CNTROB: variants seen among roughly 807,000 people sequenced by gnomAD.
CNTROB encodes the protein centrobin, centriole duplication and spindle assembly protein, also known as centrobin.
Under a neutral mutation model 115.7 loss-of-function variants are expected in CNTROB, and 82 were observed. The observed-to-expected ratio is 0.71, with a 90% CI of 0.59 to 0.85. The LOEUF (loss-of-function observed/expected upper bound fraction) is 0.85, where lower values mean the gene tolerates loss of function less well. Among genes scored for constraint, CNTROB ranks in the 40% least tolerant of loss-of-function variants. The pLI is 0.00. For synonymous variants in CNTROB, 439 were observed against 456.4 expected (o/e 0.96, Z 0.49); for missense variants, 1,014 against 1,144.4 (o/e 0.89, Z 1.64).
In CNTROB at chr17:7,945,721, T is replaced by C. The variant is rs1315308431; in HGVS notation, c.1735-7T>C. 6.2e-7 allele frequency: 1 copy of C among 1,612,766 alleles called. No individual in the cohort carries two copies. Among genetic ancestry groups the C allele is most frequent in the African/African-American group, 1.3e-5 (1 of 74,868 alleles). ...TTGACCCTTCTTTCTGCCTCTCTCC[T>C]GGTCAGGCTCCTCCTGCTGGACCCT... is the stretch of plus-strand genomic sequence containing the variant. On this transcript the variant is annotated splice_polypyrimidine_tract_variant and splice_region_variant and intron_variant, in intron 12 of 18. Coordinates refer to ENST00000563694, the MANE Select transcript of CNTROB (RefSeq NM_053051.5).
In CNTROB at chr17:7,939,123, C is replaced by T. The variant is rs1388449288; in HGVS notation, c.928-390C>T. On this transcript the variant is annotated intron_variant, in intron 7 of 18. Coordinates refer to ENST00000563694, the MANE Select transcript of CNTROB (RefSeq NM_053051.5). The surrounding 1 kb of genome is among the most constrained non-coding windows in gnomAD (Gnocchi z 4.4). ...TGGTTTTATTTGAGATGGAGTCTTG[C>T]TCGATGTCGCCTAGGCTGGAGTGCA... is the stretch of plus-strand genomic sequence containing the variant. 1.3e-5 allele frequency among the ~76,000 whole-genome samples: 2 copies of T among 151,784 alleles called. No homozygotes were observed. The highest frequency in any genetic ancestry group is 2.4e-5 in the African/African-American group (1 of 41,276).
chr17:7,945,910 C>T lies in CNTROB; in HGVS notation c.1917C>T (p.Leu639=). 1 of 1,614,154 alleles carries T rather than the reference C, an allele frequency of 6.2e-7. No homozygotes were observed. Among genetic ancestry groups the T allele is most frequent in the Non-Finnish European group, 8.5e-7 (1 of 1,179,972 alleles). Residue 639 remains leucine (L), a synonymous_variant, in exon 13 of 19, where the codon CTC becomes CTT. Transcript: ENST00000563694. ...GCAGTTCCTCCTCAGATCTTAGCCT[C>T]CTGTTGGGCCCCTCTTTTCAGAGCC... is the stretch of plus-strand genomic sequence containing the variant. ...VLCSSSSDLS[L]LLGPSFQSQH...
At chr17:7,933,541 GA>G (rs1972776831) in intron 1 of CNTROB, among the ~76,000 whole-genome samples, 192 bp downstream of exon 1, 1 of 152,210 alleles carries the variant, frequency 6.6e-6, no homozygotes, top group African/African-American at 2.4e-5. Context: ...TGAAAATTAT[GA>G]AACTTCCCAG....
chr17:7,935,125 T>G lies in CNTROB; in HGVS notation c.574T>G (p.Ser192Ala). 1 of 1,613,722 alleles carries G rather than the reference T, an allele frequency of 6.2e-7. No individual in the cohort carries two copies. The highest frequency in any genetic ancestry group is 8.5e-7 in the Non-Finnish European group (1 of 1,179,972). The change falls in exon 4 of 19, where the codon TCA becomes GCA. Residue 192 changes from serine (S) to alanine (A), a missense_variant. Ser to Ala is a moderately conservative substitution (Grantham distance 99, BLOSUM62 1). Transcript: ENST00000563694. The part of the protein sequence containing the change: ...DFQGLRDALD[S>A]EHTRRKHCER... ...TCAGGGGCTGAGAGATGCATTGGAT[T>G]CAGAGCATACCCGCCGCAAGGTAAG...
rs1567944271 is a variant in CNTROB at position 7,949,654 on chromosome 17, G to A, written c.*144G>A. ...TCACTTCGTAAAGAAACCACATTTG[G>A]TTGAGTACTTTTTTTATATGTTACA... On this transcript the variant is annotated 3_prime_UTR_variant, in exon 19 of 19. Coordinates refer to ENST00000563694, the MANE Select transcript of CNTROB (RefSeq NM_053051.5). The A allele has an allele frequency of 1.3e-6, 1 of 743,540 alleles. No homozygotes were observed. The highest frequency in any genetic ancestry group is 3.1e-5 in the East Asian group (1 of 32,218). The allele number at this position is 743,540 out of a possible 1,614,324, so 46.1% of individuals were successfully genotyped here. A position where few individuals can be genotyped will look rare whatever the true frequency, so the allele number is the denominator to read the frequency against.
At position 7,949,697 on chromosome 17, in the gene CNTROB, CTGTG is replaced by C; in HGVS notation, c.*188_*191del. On this transcript the variant is annotated 3_prime_UTR_variant, in exon 19 of 19. Coordinates refer to ENST00000563694, the MANE Select transcript of CNTROB (RefSeq NM_053051.5). ...ATGTTACATGTTTATATGTCATTTC[CTGTG>C]GGAAAAGACATGAATGCTTTGGAAG... The C allele has an allele frequency of 3.9e-6, 2 of 507,618 alleles. No homozygotes were observed. Among genetic ancestry groups the C allele is most frequent in the Non-Finnish European group, 6.5e-6 (2 of 307,970 alleles). The allele number at this position is 507,618 out of a possible 1,614,324, so 31.4% of individuals were successfully genotyped here.
At position 7,932,255 on chromosome 17, in the gene CNTROB, GA is replaced by G. The variant is rs1185162125; in HGVS notation, c.-824del. ...GTTTTGAGCGTAGGGGGAGGCGTGA[GA>G]GGGGGATCTCAGGGGAGGAGGTCAA... On this transcript the variant is annotated 5_prime_UTR_variant, in exon 1 of 19. Coordinates refer to ENST00000563694, the MANE Select transcript of CNTROB (RefSeq NM_053051.5). The G allele has an allele frequency of 1.9e-5, 4 of 209,694 alleles. No homozygotes were observed. Among genetic ancestry groups the G allele is most frequent in the Admixed American group, 5.4e-5 (1 of 18,640 alleles). The allele number at this position is 209,694 out of a possible 1,614,324, so 13.0% of individuals were successfully genotyped here. A position where few individuals can be genotyped will look rare whatever the true frequency, so the allele number is the denominator to read the frequency against.
At position 7,944,479 on chromosome 17, in the gene CNTROB, G is replaced by T; in HGVS notation, c.1575G>T (p.Leu525=). 1 of 1,613,642 alleles carries T rather than the reference G, an allele frequency of 6.2e-7. No homozygotes were observed. ...ACTTCTTCTCTCTTTGCTTCAGACT[G>T]GCCCGGGAGCAAGCGCGAGTGTGCG... The part of the protein sequence containing the change: ...QQVAEDYELR[L]AREQARVCEL... Residue 525 remains leucine (L), a synonymous_variant, in exon 12 of 19, where the codon CTG becomes CTT. Coordinates refer to ENST00000563694, the MANE Select transcript of CNTROB (RefSeq NM_053051.5). The surrounding 1 kb of genome is among the most constrained non-coding windows in gnomAD (Gnocchi z 4.0).
rs1397836443 is a variant in CNTROB, at chr17:7,945,974, A to C, written c.1981A>C (p.Thr661Pro). 3.7e-6 allele frequency: 6 copies of C among 1,613,906 alleles called. No homozygotes were observed. The highest frequency in any genetic ancestry group is 5.1e-6 in the Non-Finnish European group (6 of 1,179,938). Residue 661 changes from threonine to proline, a missense_variant, in exon 13 of 19, where the codon ACT becomes CCT. Transcript: ENST00000563694. The stretch of plus-strand genomic sequence containing the variant: ...GCCCCTGGAGCCCAAACCAGACCTC[A>C]CTTCATCCACAGGTAACTGGGGGCA... ...FQPLEPKPDL[T>P]SSTAGAFSAL... is the part of the protein sequence containing the mutation.
chr17:7,943,386 T>C lies in CNTROB; in HGVS notation c.1312-5T>C. ...GGGCCGTTATCCCACCTTCCTTCAC[T>C]CCAGGCCCGGTATGAAAGCCAGCGG... On this transcript the variant is annotated splice_polypyrimidine_tract_variant and splice_region_variant and intron_variant, in intron 9 of 18. Transcript: ENST00000563694. This position sits in a 1 kb window ranked among gnomAD's most constrained non-coding sequence, Gnocchi z 4.7. The C allele has an allele frequency of 6.2e-7, 1 of 1,611,730 alleles. No individual in the cohort carries two copies. Among genetic ancestry groups the C allele is most frequent in the Non-Finnish European group, 8.5e-7 (1 of 1,178,066 alleles).
chr17:7,941,598 C>CAAAA (rs34778352), intron 9 of CNTROB, among the ~76,000 whole-genome samples: 4 of 80,000 alleles, frequency 5.0e-5, no homozygotes, highest in African/African-American at 1.0e-4. Context: ...GACTCCATCT[C>CAAAA]AAAAAAAAAA....
chr17:7,934,097 T>C lies in CNTROB; in HGVS notation c.271-41T>C, dbSNP rs762878284. 1.9e-6 allele frequency: 3 copies of C among 1,548,972 alleles called. No individual in the cohort carries two copies. In the African/African-American group the frequency reaches 4.1e-5, roughly 21 times the overall value. ...ACCCTGGCAATAGGTAGGAGATAGATAACACAGACTGCATCTGATTTCCAT... is the reference window on the plus strand; with the variant it reads ...ACCCTGGCAATAGGTAGGAGATAGACAACACAGACTGCATCTGATTTCCAT... On this transcript the variant is annotated intron_variant, in intron 1 of 18. Transcript: ENST00000563694.
At chr17:7,936,657 C>CA (rs755666907) in intron 5 of CNTROB, 44 bp from the exon 6 acceptor site, 1 of 939,152 alleles carries the variant, frequency 1.1e-6, no homozygotes, top group African/African-American at 1.6e-5. Context: ...TAGAAAGAGG[C>CA]AAAAAAGTTA....
rs778288327 is a variant in CNTROB at position 7,949,106 on chromosome 17, T to C, written c.2535T>C (p.Asn845=). ...EHSGTDGRGD[N]VPRRNTDSRL... ...GCAGGACTGATGGCCGAGGGGATAA[T>C]GTCCCCAGAAGGAACACAGACTCCC... The change falls in exon 18 of 19, where the codon AAT becomes AAC. Residue 845 remains asparagine, a synonymous_variant. Transcript: ENST00000563694. 2 of 1,614,014 alleles carry C rather than the reference T, an allele frequency of 1.2e-6. No homozygotes were observed. Among genetic ancestry groups the C allele is most frequent in the African/African-American group, 2.7e-5 (2 of 74,906 alleles).
Position 7,944,085 on chromosome 17 carries a change from TC to T in CNTROB, c.1446-36del. Reference sequence around the variant, plus strand: ...TTCTCAGTTGGTCACTTCTTCTGTCTCCAGTCTCAGGCCTCTTCTCCTACCT... The same window carrying T: ...TTCTCAGTTGGTCACTTCTTCTGTCTCAGTCTCAGGCCTCTTCTCCTACCT... On this transcript the variant is annotated intron_variant, in intron 10 of 18. Transcript: ENST00000563694. This position sits in a 1 kb window ranked among gnomAD's most constrained non-coding sequence, Gnocchi z 4.0. 6.4e-7 allele frequency: 1 copy of T among 1,557,300 alleles called. No homozygotes were observed. Among genetic ancestry groups the T allele is most frequent in the Non-Finnish European group, 8.8e-7 (1 of 1,130,710 alleles).
intron 4 of CNTROB, chr17:7,936,148 C>G: frequency 1.9e-6 from 1 of 515,970 alleles, no homozygotes; most frequent in Non-Finnish European, 3.5e-6. Flanking sequence ...GGAATCTAAG[C>G]ACTTATCTCC....
intron 5 of CNTROB, 93 bp downstream of exon 5, chr17:7,936,575 T>C: frequency 1.3e-6 from 1 of 793,082 alleles, no homozygotes; most frequent in Admixed American, 1.7e-5. Context: ...TCTTGGTACA[T>C]GCTGAGAGCT....
chr17:7,936,643 T>G, intron 5 of CNTROB, 58 bp from the exon 6 acceptor site: 2 of 847,278 alleles, frequency 2.4e-6, no homozygotes, highest in Admixed American at 3.4e-5. Flanking sequence ...CCTGCCCCTG[T>G]GGGTAGAAAG....
In CNTROB at chr17:7,934,899, C is replaced by T. The variant is rs766721258; in HGVS notation, c.438-90C>T. On this transcript the variant is annotated intron_variant, in intron 3 of 18. Coordinates refer to ENST00000563694, the MANE Select transcript of CNTROB (RefSeq NM_053051.5). Reference sequence around the variant, plus strand: ...GACAAGTCTCTTGCCCTCTCTGGGTCTCAGTTTCCTCATTTGTAGAATATC... The same window carrying T: ...GACAAGTCTCTTGCCCTCTCTGGGTTTCAGTTTCCTCATTTGTAGAATATC... 5 of 1,427,624 alleles carry T rather than the reference C, an allele frequency of 3.5e-6. No homozygotes were observed. In the Admixed American group the frequency reaches 9.7e-5, roughly 28 times the overall value. 88.4% of individuals were successfully genotyped at this position (1,427,624 alleles called of 1,614,324 possible). A position where few individuals can be genotyped will look rare whatever the true frequency, so the allele number is the denominator to read the frequency against.
Sources: gnomAD v4.1 joint callset for allele counts (sites outside exome capture counted in the v4.1 genomes callset) on GRCh38, gnomAD v4.1.1 for gene constraint, Gnocchi (gnomAD v3.1) non-coding constraint, MANE v1.5 for transcripts, NCBI Gene and HGNC (gene_info 2026-07-23, HGNC 2026-07-21) for gene names.